The following CCDC152 variants were observed in gnomAD, a reference collection of about 807,000 sequenced individuals.
CCDC152 encodes coiled-coil domain containing 152, also known as coiled-coil domain-containing protein 152.
A neutral mutation model predicts 38.1 loss-of-function variants in CCDC152; 37 were observed. The ratio of observed to expected loss-of-function variants is 0.97; its 90% confidence interval spans 0.75 to 1.28. The LOEUF is 1.28. Ranked by LOEUF, CCDC152 falls within the 50% of genes most tolerant of loss-of-function variation. CCDC152 has a pLI of 0.00. For missense variants in CCDC152, 259 were observed against 292.1 expected (o/e 0.89, Z 0.83); for synonymous variants, 83 against 87.1 (o/e 0.95, Z 0.26).
chr5:42,800,918 G>A lies in CCDC152; in HGVS notation c.*1137G>A. 1.2e-6 allele frequency: 2 copies of A among 1,614,198 alleles called. No individual in the cohort carries two copies. Among genetic ancestry groups the A allele is most frequent in the Non-Finnish European group, 1.7e-6 (2 of 1,180,038 alleles). Reference sequence around the variant, plus strand: ...GGAGGTTTTCTTTACACTGTCAGGTGATTGCAGACCCTGTTTTTTCAAATA... The same window carrying A: ...GGAGGTTTTCTTTACACTGTCAGGTAATTGCAGACCCTGTTTTTTCAAATA... On this transcript the variant is annotated 3_prime_UTR_variant, in exon 9 of 9. Coordinates refer to ENST00000361970, the MANE Select transcript of CCDC152 (RefSeq NM_001134848.2).
intron 7 of CCDC152, among the ~76,000 whole-genome samples, chr5:42,798,070 G>T (rs1263874082): frequency 6.6e-6 from 1 of 152,132 alleles, no homozygotes; most frequent in East Asian, 1.9e-4. Context: ...AGAATCACTT[G>T]AACCCGGGAG....
At chr5:42,782,043 C>T (rs1390155014) in intron 5 of CCDC152, among the ~76,000 whole-genome samples, 1 of 152,184 alleles carries the variant, frequency 6.6e-6, no homozygotes, top group Non-Finnish European at 1.5e-5. Flanking sequence ...TAAATCACCC[C>T]TATCCTTCAA....
At chr5:42,768,744 A>G (rs1296535056) in intron 3 of CCDC152, among the ~76,000 whole-genome samples, 1 of 152,164 alleles carries the variant, frequency 6.6e-6, no homozygotes, top group African/African-American at 2.4e-5. Context: ...GTCTTATACC[A>G]AAACAATATA....
chr5:42,762,491 GA>G lies in CCDC152; in HGVS notation c.142del (p.Ser48ValfsTer5). ...GAACAATATACTGGATATTCAGTTG[GA>G]AAAAAGTAATTGCCTATTAAAAGTA... ...GKNNILDIQL[E>X]KSNCLLKVMQ... is the part of the protein sequence containing the mutation. On this transcript the variant is annotated frameshift_variant, in exon 3 of 9. Transcript: ENST00000361970. LOFTEE classifies it high-confidence loss of function. 2 of 1,542,388 alleles carry G rather than the reference GA, an allele frequency of 1.3e-6. No homozygotes were observed. The highest frequency in any genetic ancestry group is 1.8e-6 in the Non-Finnish European group (2 of 1,138,912).
At chr5:42,796,255 A>T (rs2548719) in intron 6 of CCDC152, among the ~76,000 whole-genome samples, 5,769 of 147,576 alleles carry the variant, frequency 0.039, 237 homozygotes, top group South Asian at 0.16. Flanking sequence ...AATAAAATTA[A>T]AAAAAAAAAA....
chr5:42,794,443 T>C (rs748942936), intron 6 of CCDC152, among the ~76,000 whole-genome samples: 1 of 152,212 alleles, frequency 6.6e-6, no homozygotes, highest in Non-Finnish European at 1.5e-5. Flanking sequence ...CGTTTTTCCT[T>C]ATTACTGAGA....
chr5:42,783,636 T>G (rs1281145735), intron 6 of CCDC152, 60 bp downstream of exon 6: 6 of 785,678 alleles, frequency 7.6e-6, no homozygotes, highest in South Asian at 4.6e-5. Flanking sequence ...TGTGTGGGTT[T>G]GTTACATGGG....
At chr5:42,767,206 A>C (rs1759635859) in intron 3 of CCDC152, among the ~76,000 whole-genome samples, 1 of 152,128 alleles carries the variant, frequency 6.6e-6, no homozygotes, top group Admixed American at 6.5e-5. Flanking sequence ...GGCAAACTAC[A>C]CATGATCAAA....
intron 1 of CCDC152, 132 bp from the exon 2 acceptor site, chr5:42,758,988 C>A: frequency 1.8e-6 from 1 of 552,762 alleles, no homozygotes; most frequent in Non-Finnish European, 3.1e-6. Context: ...AAAATTCTCG[C>A]AGTGCAATGG....
At chr5:42,759,933 A>G (rs1408619863) in intron 2 of CCDC152, among the ~76,000 whole-genome samples, 2 of 152,150 alleles carry the variant, frequency 1.3e-5, no homozygotes, top group South Asian at 2.1e-4. Flanking sequence ...GTTCAGTACT[A>G]TCTGTGGTTT....
chr5:42,794,645 A>G (rs1760050368), intron 6 of CCDC152, among the ~76,000 whole-genome samples: 1 of 152,224 alleles, frequency 6.6e-6, no homozygotes, highest in Admixed American at 6.5e-5. Context: ...CCATCTTCCA[A>G]ACCTTGTGGA....
intron 6 of CCDC152, among the ~76,000 whole-genome samples, chr5:42,793,101 A>G (rs1760027035): frequency 6.6e-6 from 1 of 152,252 alleles, no homozygotes; most frequent in African/African-American, 2.4e-5. Context: ...AATGGAAATT[A>G]CTCAGCAATA....
intron 6 of CCDC152, among the ~76,000 whole-genome samples, chr5:42,795,739 G>A (rs1483940193): frequency 6.6e-6 from 1 of 151,878 alleles, no homozygotes; most frequent in Non-Finnish European, 1.5e-5. Context: ...CCCATTACTG[G>A]GTATATACCC....
intron 4 of CCDC152, among the ~76,000 whole-genome samples, chr5:42,770,862 T>G (rs1213577629): frequency 6.6e-6 from 1 of 152,184 alleles, no homozygotes; most frequent in African/African-American, 2.4e-5. Flanking sequence ...CCTTCTTTGG[T>G]TAATTCTTAA....
intron 6 of CCDC152, among the ~76,000 whole-genome samples, chr5:42,788,768 G>A (rs1759959432): frequency 6.6e-6 from 1 of 152,138 alleles, no homozygotes; most frequent in African/African-American, 2.4e-5. Flanking sequence ...CTTTGATGAA[G>A]TCCAATTTAT....
At chr5:42,793,955 T>A (rs968361964) in intron 6 of CCDC152, among the ~76,000 whole-genome samples, 1 of 151,866 alleles carries the variant, frequency 6.6e-6, no homozygotes, top group African/African-American at 2.4e-5. Context: ...ACTAGAGAAG[T>A]AGATGGAAAT....
At position 42,801,352 on chromosome 5, in the gene CCDC152, A is replaced by G. The variant is rs772959843; in HGVS notation, c.*1571A>G. On this transcript the variant is annotated 3_prime_UTR_variant, in exon 9 of 9. Coordinates refer to ENST00000361970, the MANE Select transcript of CCDC152 (RefSeq NM_001134848.2). ...AGAGTCTGGAACAAATTTATAAATC[A>G]CTTTTTAACAAGCTTATAGAGATAG... The G allele has an allele frequency of 6.4e-7, 1 of 1,554,896 alleles. No homozygotes were observed. The highest frequency in any genetic ancestry group is 1.4e-5 in the African/African-American group (1 of 73,232).
intron 6 of CCDC152, among the ~76,000 whole-genome samples, chr5:42,793,619 T>G (rs1760034650): frequency 6.6e-6 from 1 of 152,098 alleles, no homozygotes; most frequent in Admixed American, 6.5e-5. Flanking sequence ...TTTCTTTTTG[T>G]TTTTTTGGAG....
chr5:42,779,853 A>G (rs1334043021), intron 5 of CCDC152, among the ~76,000 whole-genome samples: 1 of 152,140 alleles, frequency 6.6e-6, no homozygotes, highest in African/African-American at 2.4e-5. Flanking sequence ...AGTAAACTCT[A>G]TTTGTTACTA....
Sources: allele counts gnomAD v4.1 joint callset (sites outside exome capture counted in the v4.1 genomes callset), GRCh38; gene constraint gnomAD v4.1.1; transcripts MANE v1.5; gene names NCBI Gene and HGNC (gene_info 2026-07-23, HGNC 2026-07-21).